ANTXR1: variants seen among roughly 807,000 people sequenced by gnomAD.
ANTXR1 encodes the protein anthrax toxin receptor 1.
In ANTXR1, 19 loss-of-function variants were observed where a neutral mutation model predicts 78.1. That is an observed-to-expected ratio of 0.24 (90% CI 0.17 to 0.36). ANTXR1 has a LOEUF of 0.36. Ranked by LOEUF, ANTXR1 falls within the 10% of genes least tolerant of loss-of-function variation. ANTXR1 has a pLI of 1.00. For missense variants in ANTXR1, 518 were observed against 718.6 expected, an observed-to-expected ratio of 0.72 and a Z score of 3.19; for synonymous variants, 273 against 260.5, an observed-to-expected ratio of 1.05 and a Z score of -0.46.
At chr2:69,217,292 C>T (rs559911414) in intron 17 of ANTXR1, among the ~76,000 whole-genome samples, 1 of 152,324 alleles carries the variant, frequency 6.6e-6, no homozygotes, top group Non-Finnish European at 1.5e-5. Context: ...GTGTCCAGCT[C>T]ACACAAGTGG....
At chr2:69,219,839 C>T (rs1675276310) in intron 17 of ANTXR1, among the ~76,000 whole-genome samples, 1 of 152,168 alleles carries the variant, frequency 6.6e-6, no homozygotes, top group Non-Finnish European at 1.5e-5. Context: ...GAAGTGCCCA[C>T]AGACTCCTCC....
chr2:69,108,807 C>G lies in ANTXR1; in HGVS notation c.802+5867C>G, dbSNP rs1379160506. 2.0e-5 allele frequency among the ~76,000 whole-genome samples: 3 copies of G among 152,204 alleles called. No individual in the cohort carries two copies. In the East Asian group the frequency reaches 5.8e-4, roughly 29 times the overall value. On this transcript the variant is annotated intron_variant, in intron 10 of 17. Transcript: ENST00000303714. The stretch of plus-strand genomic sequence containing the variant: ...GCAAAGGACATGATCTCGTTCTTTT[C>G]TATAGCTGCACAGTATTCCACGGTG...
Position 69,169,803 on chromosome 2 carries a change from G to A in ANTXR1, c.1048-445G>A, listed in dbSNP as rs567811802. Among the ~76,000 whole-genome samples the A allele has an allele frequency of 2.6e-5, 4 of 152,242 alleles. 1 individual carries two copies. Among genetic ancestry groups the A allele is most frequent in the South Asian group, 4.1e-4 (2 of 4,834 alleles). On this transcript the variant is annotated intron_variant, in intron 13 of 17. Coordinates refer to ENST00000303714, the MANE Select transcript of ANTXR1 (RefSeq NM_032208.3). ...AGCTGAAGGACTGCCAGCAGCCCGCGTGGGGTCCACGCTTGACACATCCCT... is the reference window on the plus strand; with the variant it reads ...AGCTGAAGGACTGCCAGCAGCCCGCATGGGGTCCACGCTTGACACATCCCT...
At chr2:69,066,540 C>T (rs1482853419) in intron 3 of ANTXR1, among the ~76,000 whole-genome samples, 1 of 152,186 alleles carries the variant, frequency 6.6e-6, no homozygotes, top group Admixed American at 6.6e-5. Context: ...TGTCATAACA[C>T]AACCAGAATC....
At chr2:69,092,351 A>G (rs1671268681) in intron 9 of ANTXR1, among the ~76,000 whole-genome samples, 2 of 152,230 alleles carry the variant, frequency 1.3e-5, no homozygotes, top group African/African-American at 4.8e-5. Flanking sequence ...GCACTAAAAA[A>G]TCGGTGCCAG....
intron 3 of ANTXR1, among the ~76,000 whole-genome samples, chr2:69,063,778 A>C (rs1427907007): frequency 6.6e-6 from 1 of 152,136 alleles, no homozygotes; most frequent in Non-Finnish European, 1.5e-5. Context: ...AGGGAACTAT[A>C]TGGAAATATA....
chr2:69,207,129 C>T lies in ANTXR1; in HGVS notation c.1434+13714C>T, dbSNP rs1674924124. 2.0e-5 allele frequency among the ~76,000 whole-genome samples: 3 copies of T among 152,224 alleles called. No individual in the cohort carries two copies. In the South Asian group the frequency reaches 6.2e-4, roughly 32 times the overall value. On this transcript the variant is annotated intron_variant, in intron 17 of 17. Transcript: ENST00000303714. ...GGCTTTGTGCCTGTCTTTTGCAAAACTTACCCAATTTCTGTCCAAAAAAAA... is the reference window on the plus strand; with the variant it reads ...GGCTTTGTGCCTGTCTTTTGCAAAATTTACCCAATTTCTGTCCAAAAAAAA...
At chr2:69,238,133 GACTA>G (rs77074156) in intron 17 of ANTXR1, among the ~76,000 whole-genome samples, 2,276 of 152,274 alleles carry the variant, frequency 0.015, 39 homozygotes, top group African/African-American at 0.038. Flanking sequence ...GATCAGTCCT[GACTA>G]ACTAACTACC....
intron 16 of ANTXR1, among the ~76,000 whole-genome samples, chr2:69,186,836 G>T (rs1674427642): frequency 6.6e-6 from 1 of 152,198 alleles, no homozygotes; most frequent in Non-Finnish European, 1.5e-5. Context: ...CAAGACCAAA[G>T]GGCAGCTAGG....
At chr2:69,164,176 G>C (rs571165380) in intron 13 of ANTXR1, among the ~76,000 whole-genome samples, 1 of 152,188 alleles carries the variant, frequency 6.6e-6, no homozygotes, top group Non-Finnish European at 1.5e-5. Context: ...GCCTGGGTTA[G>C]GGGATGAAAG....
At chr2:69,030,858 G>T (rs1288136274) in intron 1 of ANTXR1, among the ~76,000 whole-genome samples, 1 of 151,784 alleles carries the variant, frequency 6.6e-6, no homozygotes, top group African/African-American at 2.4e-5. Context: ...ATACAGATTT[G>T]TATATTATCT....
At chr2:69,224,491 C>T (rs1180727967) in intron 17 of ANTXR1, among the ~76,000 whole-genome samples, 4 of 152,172 alleles carry the variant, frequency 2.6e-5, no homozygotes, top group Non-Finnish European at 4.4e-5. Context: ...TCCCTATTCC[C>T]TTTCCCTGCC....
At chr2:69,212,960 C>T (rs1036356867) in intron 17 of ANTXR1, among the ~76,000 whole-genome samples, 1 of 141,572 alleles carries the variant, frequency 7.1e-6, no homozygotes, top group African/African-American at 2.9e-5. Context: ...GTGCACATCA[C>T]CTTTTTTTTT....
intron 12 of ANTXR1, among the ~76,000 whole-genome samples, chr2:69,132,575 A>G (rs1558583770): frequency 1.3e-5 from 2 of 152,224 alleles, no homozygotes; most frequent in Non-Finnish European, 2.9e-5. Flanking sequence ...ACCTTCCAAC[A>G]TAATAAAAAA....
chr2:69,076,869 G>A (rs1052937398), intron 7 of ANTXR1, among the ~76,000 whole-genome samples: 5 of 152,216 alleles, frequency 3.3e-5, no homozygotes, highest in African/African-American at 7.2e-5. Context: ...CCCTACATCG[G>A]CTTCTCCTGG....
chr2:69,169,469 G>T (rs532398317), intron 13 of ANTXR1, among the ~76,000 whole-genome samples: 73 of 152,288 alleles, frequency 4.8e-4, no homozygotes, highest in Middle Eastern at 3.4e-3. Flanking sequence ...TACAAGTTGG[G>T]GTCAAGAGGG....
rs1195668745 is a variant in ANTXR1, at chr2:69,248,861, CA to C, written c.*3377del. ...ATGCAGTAAAAAGTCTGTTAATGCA[CA>C]TCCTGTGGGAATGGAGTGTTCTAAC... is the stretch of plus-strand genomic sequence containing the variant. On this transcript the variant is annotated 3_prime_UTR_variant, in exon 18 of 18. Coordinates refer to ENST00000303714, the MANE Select transcript of ANTXR1 (RefSeq NM_032208.3). 1 of 152,186 alleles carries C rather than the reference CA, an allele frequency of 6.6e-6. No homozygotes were observed. The highest frequency in any genetic ancestry group is 1.5e-5 in the Non-Finnish European group (1 of 68,034). The allele number at this position is 152,186 out of a possible 1,614,324, so 9.4% of individuals were successfully genotyped here.
At chr2:69,105,732 A>G (rs1339497215) in intron 10 of ANTXR1, among the ~76,000 whole-genome samples, 1 of 152,180 alleles carries the variant, frequency 6.6e-6, no homozygotes, top group Non-Finnish European at 1.5e-5. Context: ...TTATTTTTAT[A>G]TCACATATTT....
At chr2:69,223,445 C>A (rs1471728662) in intron 17 of ANTXR1, among the ~76,000 whole-genome samples, 1 of 152,170 alleles carries the variant, frequency 6.6e-6, no homozygotes, top group Non-Finnish European at 1.5e-5. Context: ...CCTGAGTTTT[C>A]CTACTTCCTT....
Sources: gnomAD v4.1 joint callset for allele counts (sites outside exome capture counted in the v4.1 genomes callset) on GRCh38, gnomAD v4.1.1 for gene constraint, MANE v1.5 for transcripts, NCBI Gene and HGNC (gene_info 2026-07-23, HGNC 2026-07-21) for gene names.